Variants in DIAPH2 observed in about 807,000 individuals in gnomAD.
DIAPH2 encodes diaphanous related formin 2.
In DIAPH2, 35 loss-of-function variants were observed where a neutral mutation model predicts 92.7. That is an observed-to-expected ratio of 0.38 (90% CI 0.29 to 0.50). The LOEUF (loss-of-function observed/expected upper bound fraction) is 0.50, where lower values mean the gene tolerates loss of function less well. DIAPH2 is among the 20% of genes least tolerant of loss of function. DIAPH2 has a pLI of 0.94. For missense variants in DIAPH2, 701 were observed against 819.5 expected, an observed-to-expected ratio of 0.86 and a Z score of 1.77; for synonymous variants, 301 against 280.4, an observed-to-expected ratio of 1.07 and a Z score of -0.73.
At chrX:96,800,397 C>T (rs1048135480) in intron 4 of DIAPH2, among the ~76,000 whole-genome samples, 2 of 111,699 alleles carry the variant, frequency 1.8e-5, no homozygotes, top group African/African-American at 6.5e-5. Flanking sequence ...TGTGTTGTCT[C>T]TGTAGATGGT....
At chrX:97,227,486 CATTGAG>C (rs1312615965) in intron 22 of DIAPH2, among the ~76,000 whole-genome samples, 1 of 111,835 alleles carries the variant, frequency 8.9e-6, no homozygotes, top group East Asian at 2.8e-4. Context: ...ATACTAGGCC[CATTGAG>C]AAGTACAAAA....
At chrX:97,438,121 TA>T (rs762607670) in intron 26 of DIAPH2, among the ~76,000 whole-genome samples, 866 of 83,832 alleles carry the variant, frequency 0.01, 13 homozygotes, top group African/African-American at 0.031. Context: ...ACCCTCTCTT[TA>T]AAAAAAAAAA....
chrX:96,905,612 T>TG (rs1569424647), intron 5 of DIAPH2, among the ~76,000 whole-genome samples: 2 of 111,597 alleles, frequency 1.8e-5, no homozygotes, highest in African/African-American at 6.5e-5. Context: ...TCAGTATAAG[T>TG]GGGTCCTTTA....
At chrX:97,257,146 AT>A (rs2068244456) in intron 23 of DIAPH2, among the ~76,000 whole-genome samples, 1 of 111,982 alleles carries the variant, frequency 8.9e-6, no homozygotes, top group African/African-American at 3.2e-5. Flanking sequence ...ATGGAAAAAA[AT>A]ATATGACATT....
chrX:97,165,003 T>C (rs1291912380), intron 22 of DIAPH2, among the ~76,000 whole-genome samples: 1 of 112,620 alleles, frequency 8.9e-6, no homozygotes, highest in Non-Finnish European at 1.9e-5. Flanking sequence ...TGTATTTCAC[T>C]CTTTCAACAA....
chrX:97,341,867 T>C (rs757755481), intron 23 of DIAPH2, among the ~76,000 whole-genome samples: 98 of 111,998 alleles, frequency 8.8e-4, no homozygotes, highest in Middle Eastern at 9.1e-3. Flanking sequence ...CTGATTCACA[T>C]GCAAATTCTT....
chrX:97,238,439 CTTT>C (rs1476107978), intron 22 of DIAPH2, among the ~76,000 whole-genome samples: 1 of 111,899 alleles, frequency 8.9e-6, no homozygotes, highest in African/African-American at 3.2e-5. Flanking sequence ...AAAAACTGCA[CTTT>C]CTTCCCAAGG....
chrX:96,948,641 T>G (rs1464417967), intron 14 of DIAPH2, among the ~76,000 whole-genome samples: 4 of 111,973 alleles, frequency 3.6e-5, no homozygotes, highest in Non-Finnish European at 5.6e-5. Context: ...ACCAAAACAA[T>G]AAAAATGTTC....
At chrX:97,160,690 G>C (rs1487931721) in intron 22 of DIAPH2, among the ~76,000 whole-genome samples, 3 of 111,773 alleles carry the variant, frequency 2.7e-5, no homozygotes, top group Non-Finnish European at 5.6e-5. Flanking sequence ...CCTTTCAGCA[G>C]CTAGAGTTTG....
At chrX:96,699,146 A>G (rs1292117525) in intron 1 of DIAPH2, among the ~76,000 whole-genome samples, 1 of 112,104 alleles carries the variant, frequency 8.9e-6, no homozygotes, top group Non-Finnish European at 1.9e-5. Context: ...AATGATAGAG[A>G]CATAACTGGG....
chrX:96,767,315 A>G (rs2064310334), intron 4 of DIAPH2, among the ~76,000 whole-genome samples: 1 of 111,014 alleles, frequency 9.0e-6, no homozygotes, highest in African/African-American at 3.3e-5. Flanking sequence ...TTTAGTAGCA[A>G]TCATGGGTTT....
intron 22 of DIAPH2, among the ~76,000 whole-genome samples, chrX:97,162,860 A>G (rs1193168553): frequency 9.0e-6 from 1 of 111,174 alleles, no homozygotes; most frequent in Non-Finnish European, 1.9e-5. Flanking sequence ...TTCTTGCTTT[A>G]TGGTGCCCCT....
chrX:96,814,499 A>C (rs1371254042), intron 4 of DIAPH2, among the ~76,000 whole-genome samples: 2 of 111,636 alleles, frequency 1.8e-5, no homozygotes, highest in African/African-American at 6.5e-5. Context: ...GAAGTTGGTT[A>C]TTACCGACCT....
At chrX:96,850,884 C>T (rs923979774) in intron 4 of DIAPH2, among the ~76,000 whole-genome samples, 1 of 111,803 alleles carries the variant, frequency 8.9e-6, no homozygotes, top group African/African-American at 3.3e-5. Flanking sequence ...GAAATACAAA[C>T]TTCAGTAAAG....
rs765342000 is a variant in DIAPH2 at position 97,143,857 on chromosome X, TG to T, written c.2719+2065del. Among the ~76,000 whole-genome samples, 405 of 111,753 alleles carry T rather than the reference TG, an allele frequency of 3.6e-3. 3 individuals carry two copies. Among genetic ancestry groups the T allele is most frequent in the Non-Finnish European group, 5.7e-3 (303 of 53,132 alleles). On this transcript the variant is annotated intron_variant, in intron 22 of 26. Transcript: ENST00000324765. The stretch of plus-strand genomic sequence containing the variant: ...ATCCTCTCATTTGAAGTAACATGGA[TG>T]GAACTGGAGGTAATTAAGTGAAATA...
chrX:97,141,616 A>C lies in DIAPH2; in HGVS notation c.2590-49A>C, dbSNP rs1447046409. On this transcript the variant is annotated intron_variant, in intron 21 of 26. Coordinates refer to ENST00000324765, the MANE Select transcript of DIAPH2 (RefSeq NM_006729.5). Reference sequence around the variant, plus strand: ...ATTCATTCATTTCACTTGTTTAAAAAAGTATTTACTAAAAAATTACTAAAA... The same window carrying C: ...ATTCATTCATTTCACTTGTTTAAAACAGTATTTACTAAAAAATTACTAAAA... 3 of 1,109,680 alleles carry C rather than the reference A, an allele frequency of 2.7e-6. No individual in the cohort carries two copies. In the African/African-American group the frequency reaches 5.7e-5, roughly 21 times the overall value. 91.5% of individuals were successfully genotyped at this position (1,109,680 alleles called of 1,213,427 possible).
At chrX:96,784,738 G>T (rs1489463016) in intron 4 of DIAPH2, among the ~76,000 whole-genome samples, 1 of 112,486 alleles carries the variant, frequency 8.9e-6, no homozygotes, top group Admixed American at 9.4e-5. Context: ...GGGCATCAGG[G>T]CCTGGATGAT....
intron 22 of DIAPH2, among the ~76,000 whole-genome samples, chrX:97,233,306 T>G (rs1411754386): frequency 1.8e-5 from 2 of 112,735 alleles, no homozygotes; most frequent in Non-Finnish European, 3.7e-5. Context: ...CACATGAGAC[T>G]TCATAACTTC....
At chrX:97,571,917 CATT>C (rs1467261429) in intron 26 of DIAPH2, among the ~76,000 whole-genome samples, 1 of 111,712 alleles carries the variant, frequency 9.0e-6, no homozygotes. Flanking sequence ...GTGAAAGAAT[CATT>C]GTTGACTCCT....
Sources: allele counts gnomAD v4.1 joint callset (sites outside exome capture counted in the v4.1 genomes callset), GRCh38; gene constraint gnomAD v4.1.1; transcripts MANE v1.5; gene names NCBI Gene and HGNC (gene_info 2026-07-23, HGNC 2026-07-21).